Variants in MYOM2 observed in about 807,000 individuals in gnomAD.
MYOM2 encodes the protein myomesin-2.
In MYOM2, 254 loss-of-function variants were observed where a neutral mutation model predicts 187.6. That is an observed-to-expected ratio of 1.35 (90% CI 1.22 to 1.50). The LOEUF (loss-of-function observed/expected upper bound fraction) is 1.50. Among genes scored for constraint, MYOM2 ranks in the 40% most tolerant of loss-of-function variants. MYOM2 has a pLI of 0.00. For synonymous variants in MYOM2, 981 were observed against 753.8 expected, an observed-to-expected ratio of 1.30 and a Z score of -4.94; for missense variants, 2,796 against 1,924.0, an observed-to-expected ratio of 1.45 and a Z score of -8.48.
intron 27 of MYOM2, 138 bp from the exon 28 acceptor site, chr8:2,117,747 T>G (rs1051825516): frequency 6.4e-5 from 33 of 513,336 alleles, no homozygotes; most frequent in Non-Finnish European, 9.8e-5. Flanking sequence ...ATGCATTACA[T>G]AAATATATAT....
intron 28 of MYOM2, among the ~76,000 whole-genome samples, chr8:2,121,646 G>T (rs1250128985): frequency 1.3e-5 from 2 of 152,084 alleles, no homozygotes; most frequent in African/African-American, 4.8e-5. Context: ...TTATTAACGT[G>T]AAAAAATAGA....
At chr8:2,097,186 T>A (rs989192201) in intron 18 of MYOM2, 1 of 785,760 alleles carries the variant, frequency 1.3e-6, no homozygotes, top group Non-Finnish European at 1.5e-6. Flanking sequence ...ACTAGAAAAT[T>A]CTGCCTTATA....
intron 32 of MYOM2, among the ~76,000 whole-genome samples, chr8:2,138,218 G>C (rs947722489): frequency 1.3e-5 from 2 of 152,168 alleles, no homozygotes; most frequent in African/African-American, 4.8e-5. Context: ...TAATGTAAGC[G>C]CCAGCCTGCA....
intron 6 of MYOM2, among the ~76,000 whole-genome samples, chr8:2,067,906 T>C (rs1268860372): frequency 6.6e-6 from 1 of 152,128 alleles, no homozygotes; most frequent in Non-Finnish European, 1.5e-5. Context: ...AGCATGGGAA[T>C]CCTACTGGGG....
chr8:2,142,100 A>G (rs932893991), intron 34 of MYOM2, among the ~76,000 whole-genome samples: 19 of 151,610 alleles, frequency 1.3e-4, no homozygotes, highest in African/African-American at 4.1e-4. Context: ...AATCTCTTCA[A>G]CCTGTGAGCT....
chr8:2,050,200 C>T (rs923838104), intron 1 of MYOM2, among the ~76,000 whole-genome samples: 7 of 152,140 alleles, frequency 4.6e-5, no homozygotes, highest in South Asian at 2.1e-4. Context: ...TTCTCCTGCC[C>T]GACCTTTGCT....
chr8:2,099,353 C>T (rs1384320740), intron 19 of MYOM2, among the ~76,000 whole-genome samples: 1 of 152,176 alleles, frequency 6.6e-6, no homozygotes, highest in Non-Finnish European at 1.5e-5. Flanking sequence ...GAGAGGGTCA[C>T]AGGTGGAGGA....
chr8:2,123,682 C>T lies in MYOM2; in HGVS notation c.3655+40C>T, dbSNP rs190399373. On this transcript the variant is annotated intron_variant, in intron 30 of 36. Coordinates refer to ENST00000262113, the MANE Select transcript of MYOM2 (RefSeq NM_003970.4). Reference sequence around the variant, plus strand: ...CCTTTGTTCTGTGAACAAGAAATTCCTTTCACCAACAGGATGGGATGTATT... The same window carrying T: ...CCTTTGTTCTGTGAACAAGAAATTCTTTTCACCAACAGGATGGGATGTATT... The T allele has an allele frequency of 1.0e-5, 16 of 1,551,542 alleles. No homozygotes were observed. In the Middle Eastern group the frequency reaches 2.5e-3, roughly 245 times the overall value.
intron 10 of MYOM2, 120 bp from the exon 11 acceptor site, chr8:2,076,020 AG>A: frequency 1.1e-6 from 1 of 876,340 alleles, no homozygotes. Context: ...TTTGAACATG[AG>A]AATTAAACAG....
intron 18 of MYOM2, chr8:2,097,114 C>G (rs118123329): frequency 0.07 from 67,614 of 962,622 alleles, 3,106 homozygotes; most frequent in Non-Finnish European, 0.076. Context: ...GTCACTTACA[C>G]TCCAACAGGA....
chr8:2,132,608 A>G (rs1356837145), intron 32 of MYOM2, among the ~76,000 whole-genome samples: 1 of 151,784 alleles, frequency 6.6e-6, no homozygotes, highest in African/African-American at 2.4e-5. Flanking sequence ...TTTTTTTGAG[A>G]CAGAGTCTTG....
At chr8:2,137,923 C>G (rs1351703389) in intron 32 of MYOM2, among the ~76,000 whole-genome samples, 7 of 152,182 alleles carry the variant, frequency 4.6e-5, no homozygotes, top group African/African-American at 1.7e-4. Flanking sequence ...AGACGGGCTT[C>G]TTGCTGCTCC....
intron 25 of MYOM2, among the ~76,000 whole-genome samples, chr8:2,109,837 G>A (rs997471220): frequency 6.6e-6 from 1 of 152,216 alleles, no homozygotes; most frequent in African/African-American, 2.4e-5. Context: ...TGATGAATCA[G>A]TTCACTTATT....
intron 6 of MYOM2, among the ~76,000 whole-genome samples, chr8:2,064,873 C>G (rs1209049690): frequency 2.6e-5 from 4 of 152,212 alleles, no homozygotes; most frequent in Non-Finnish European, 4.4e-5. Context: ...TCCCAGCTAT[C>G]CCCTGCCCAG....
chr8:2,131,932 C>T (rs1010542828), intron 32 of MYOM2, among the ~76,000 whole-genome samples: 2 of 152,086 alleles, frequency 1.3e-5, no homozygotes, highest in African/African-American at 4.8e-5. Flanking sequence ...CGTGAGCTAC[C>T]GCAGCCGGCC....
rs543416485 is a variant in MYOM2, at chr8:2,095,117, C to A, written c.2125+1026C>A. ...ATTTTCAGAAATTAAAATTTATCTT[C>A]TAATGATATTGCTGTTGGATTTCCA... is the stretch of plus-strand genomic sequence containing the variant. On this transcript the variant is annotated intron_variant, in intron 17 of 36. Coordinates refer to ENST00000262113, the MANE Select transcript of MYOM2 (RefSeq NM_003970.4). Among the ~76,000 whole-genome samples, 20 of 152,264 alleles carry A rather than the reference C, an allele frequency of 1.3e-4. No individual in the cohort carries two copies. In the South Asian group the frequency reaches 2.3e-3, roughly 17 times the overall value.
rs60345808 is a variant in MYOM2 at position 2,059,742 on chromosome 8, C to CTT, written c.653+513_653+514dup. ...CTTTTTTCCTCACGCGACACACACA[C>CTT]TTTTTTTTTTTTTTTTTGAGGCAGA... On this transcript the variant is annotated intron_variant, in intron 6 of 36. Coordinates refer to ENST00000262113, the MANE Select transcript of MYOM2 (RefSeq NM_003970.4). Among the ~76,000 whole-genome samples the CTT allele has an allele frequency of 2.8e-3, 367 of 131,084 alleles. 4 individuals carry two copies. The highest frequency in any genetic ancestry group is 4.4e-3 in the African/African-American group (151 of 34,650). The allele number at this position is 131,084 out of a possible 152,430, so 86.0% of individuals were successfully genotyped here. A position where few individuals can be genotyped will look rare whatever the true frequency, so the allele number is the denominator to read the frequency against.
intron 24 of MYOM2, 171 bp from the exon 25 acceptor site, chr8:2,109,224 C>T (rs2280894): frequency 0.071 from 54,671 of 774,636 alleles, 2,241 homozygotes; most frequent in South Asian, 0.14. Context: ...GAGGCAACAA[C>T]AGGCCAGCTC....
intron 32 of MYOM2, among the ~76,000 whole-genome samples, chr8:2,137,407 A>T (rs1195063528): frequency 6.6e-6 from 1 of 151,930 alleles, no homozygotes; most frequent in Non-Finnish European, 1.5e-5. Flanking sequence ...CTCATCACAA[A>T]TCCCCAAGCA....
Sources: gnomAD v4.1 joint callset for allele counts (sites outside exome capture counted in the v4.1 genomes callset) on GRCh38, gnomAD v4.1.1 for gene constraint, MANE v1.5 for transcripts, NCBI Gene and HGNC (gene_info 2026-07-23, HGNC 2026-07-21) for gene names.